Variants in ADCY8 observed in about 807,000 individuals in gnomAD.
ADCY8 encodes the protein adenylate cyclase 8.
ADCY8 carries 51 observed loss-of-function variants against 119.7 expected under a neutral mutation model. The observed-to-expected ratio is 0.43, with a 90% confidence interval of 0.34 to 0.54. The LOEUF (loss-of-function observed/expected upper bound fraction) is 0.54, where lower values mean the gene tolerates loss of function less well. Among genes scored for constraint, ADCY8 ranks in the 20% least tolerant of loss-of-function variants. The pLI is 0.03. For synonymous variants in ADCY8, 665 were observed against 651.0 expected (o/e 1.02, Z -0.33); for missense variants, 1,383 against 1,598.8 (o/e 0.87, Z 2.30).
At chr8:130,824,735 G>C (rs2130215738) in intron 12 of ADCY8, among the ~76,000 whole-genome samples, 1 of 152,312 alleles carries the variant, frequency 6.6e-6, no homozygotes, top group African/African-American at 2.4e-5. Context: ...AGCTAGAACT[G>C]GTTCAATAAT....
chr8:130,922,132 G>C (rs1820327210), intron 5 of ADCY8, among the ~76,000 whole-genome samples: 3 of 151,802 alleles, frequency 2.0e-5, no homozygotes, highest in South Asian at 2.1e-4. Flanking sequence ...TCCAGCAGCA[G>C]TAAGTCTCTC....
Position 130,836,277 on chromosome 8 carries a change from T to A in ADCY8, c.2675A>T (p.Glu892Val), listed in dbSNP as rs539169896. 6.2e-7 allele frequency: 1 copy of A among 1,610,460 alleles called. No individual in the cohort carries two copies. Among genetic ancestry groups the A allele is most frequent in the African/African-American group, 1.3e-5 (1 of 74,908 alleles). Residue 892 changes from glutamate (E) to valine (V), a missense_variant and splice_region_variant, in exon 12 of 18, where the codon GAA becomes GTA. This residue lies in a region of ADCY8 where 928 missense variants were observed against 1,163.5 expected (regional missense o/e 0.80). Coordinates refer to ENST00000286355, the MANE Select transcript of ADCY8 (RefSeq NM_001115.3). ...LRYDNLNHSG[E>V]DFLGTKEVSL... The stretch of plus-strand genomic sequence containing the variant: ...TGGACTCACGGTGGTGGGCACTTAC[T>A]CTCCACTGTGGTTGAGGTTGTCATA...
At chr8:130,854,000 T>C (rs1817626816) in intron 9 of ADCY8, among the ~76,000 whole-genome samples, 1 of 152,222 alleles carries the variant, frequency 6.6e-6, no homozygotes, top group South Asian at 2.1e-4. Flanking sequence ...TCTCTATTCA[T>C]CATGAAATTC....
rs540063348 is a variant in ADCY8, at chr8:131,024,813, C to T, written c.960+14561G>A. ...AATACCATCTAGGGAGTGATTCTTT[C>T]AGTATTTGCTAAATCATTACTCATA... is the stretch of plus-strand genomic sequence containing the variant. On this transcript the variant is annotated intron_variant, in intron 1 of 17. Transcript: ENST00000286355. 1.1e-4 allele frequency among the ~76,000 whole-genome samples: 17 copies of T among 152,308 alleles called. No individual in the cohort carries two copies. In the East Asian group the frequency reaches 3.3e-3, roughly 29 times the overall value.
At chr8:130,881,279 T>C (rs1032972997) in intron 8 of ADCY8, among the ~76,000 whole-genome samples, 1 of 152,224 alleles carries the variant, frequency 6.6e-6, no homozygotes, top group African/African-American at 2.4e-5. Flanking sequence ...ATGAATTATA[T>C]AAAAGTCCTG....
intron 6 of ADCY8, among the ~76,000 whole-genome samples, chr8:130,906,231 C>G (rs931485167): frequency 6.6e-6 from 1 of 152,196 alleles, no homozygotes; most frequent in East Asian, 1.9e-4. Flanking sequence ...GTTTGACCTT[C>G]CATGAAATGG....
At chr8:130,976,261 G>A (rs1032378020) in intron 2 of ADCY8, among the ~76,000 whole-genome samples, 3 of 152,110 alleles carry the variant, frequency 2.0e-5, no homozygotes, top group Admixed American at 6.5e-5. Flanking sequence ...CCCCTCTGAA[G>A]GCCTTAGAAG....
intron 1 of ADCY8, among the ~76,000 whole-genome samples, chr8:131,029,917 C>T (rs1241920788): frequency 6.6e-6 from 1 of 152,042 alleles, no homozygotes; most frequent in South Asian, 2.1e-4. Flanking sequence ...ACTATTCATT[C>T]ATTCCATTCA....
intron 1 of ADCY8, among the ~76,000 whole-genome samples, chr8:131,016,982 G>T (rs990555161): frequency 2.6e-5 from 4 of 151,964 alleles, no homozygotes; most frequent in African/African-American, 9.7e-5. Context: ...TATCTAGGAT[G>T]TTGGAGAAAG....
chr8:130,813,962 A>C (rs1816255184), intron 14 of ADCY8, 107 bp downstream of exon 14: 1 of 1,371,258 alleles, frequency 7.3e-7, no homozygotes, highest in South Asian at 1.3e-5. Flanking sequence ...ATTCTCATGC[A>C]CTCACATGAT....
At chr8:130,816,105 T>A (rs1816331864) in intron 13 of ADCY8, among the ~76,000 whole-genome samples, 2 of 152,214 alleles carry the variant, frequency 1.3e-5, no homozygotes, top group South Asian at 4.1e-4. Flanking sequence ...CTTTTCTTTT[T>A]AAAAAAATTT....
chr8:131,031,398 C>G (rs556708466), intron 1 of ADCY8, among the ~76,000 whole-genome samples: 13 of 152,298 alleles, frequency 8.5e-5, no homozygotes, highest in African/African-American at 2.9e-4. Flanking sequence ...GGCAGAACCC[C>G]AAATATTTAA....
At chr8:131,007,250 G>A (rs1480827842) in intron 1 of ADCY8, among the ~76,000 whole-genome samples, 1 of 152,148 alleles carries the variant, frequency 6.6e-6, no homozygotes, top group Admixed American at 6.5e-5. Flanking sequence ...TCCCATGCAT[G>A]GTTTTTGTTA....
At chr8:130,905,359 T>C (rs34269716) in intron 6 of ADCY8, among the ~76,000 whole-genome samples, 91,187 of 151,980 alleles carry the variant, frequency 0.6, 28,510 homozygotes, top group East Asian at 0.69. Flanking sequence ...AGCTCTCCTA[T>C]GCTCTCTCCA....
chr8:130,799,439 G>A (rs1815694404), intron 15 of ADCY8, among the ~76,000 whole-genome samples: 1 of 152,162 alleles, frequency 6.6e-6, no homozygotes, highest in South Asian at 2.1e-4. Context: ...CTCAGAAGCT[G>A]GATTGAATGT....
At chr8:130,986,149 A>G (rs1822395645) in intron 2 of ADCY8, among the ~76,000 whole-genome samples, 1 of 152,208 alleles carries the variant, frequency 6.6e-6, no homozygotes, top group Non-Finnish European at 1.5e-5. Context: ...TTCCAGATGG[A>G]AAATTCCCCT....
intron 6 of ADCY8, among the ~76,000 whole-genome samples, chr8:130,905,667 T>C (rs983585386): frequency 1.3e-5 from 2 of 152,138 alleles, no homozygotes; most frequent in Non-Finnish European, 2.9e-5. Flanking sequence ...GAGACCAGCC[T>C]GGGCAACATG....
In ADCY8 at chr8:130,919,178, C is replaced by T. The variant is rs550144543; in HGVS notation, c.1482-9312G>A. On this transcript the variant is annotated intron_variant, in intron 5 of 17. Coordinates refer to ENST00000286355, the MANE Select transcript of ADCY8 (RefSeq NM_001115.3). ...TCCAAACTGGGAGAGTCATTTAACC[C>T]GAAACTTCATCTACCCTTTTGCTGT... Among the ~76,000 whole-genome samples, 132 of 152,280 alleles carry T rather than the reference C, an allele frequency of 8.7e-4. 1 individual carries two copies. Among genetic ancestry groups the T allele is most frequent in the African/African-American group, 3.0e-3 (124 of 41,556 alleles).
At chr8:130,796,530 G>T (rs1815582797) in intron 15 of ADCY8, among the ~76,000 whole-genome samples, 1 of 152,144 alleles carries the variant, frequency 6.6e-6, no homozygotes, top group Non-Finnish European at 1.5e-5. Context: ...AGAAGCATCA[G>T]TATTAAAGTG....
Sources: gnomAD v4.1 joint callset for allele counts (sites outside exome capture counted in the v4.1 genomes callset) on GRCh38, gnomAD v4.1.1 for gene constraint, gnomAD v4.1.1 regional missense constraint, MANE v1.5 for transcripts, NCBI Gene and HGNC (gene_info 2026-07-23, HGNC 2026-07-21) for gene names.